Variants in AGAP1 observed in about 807,000 individuals in gnomAD.
AGAP1 encodes arf-GAP with GTPase, ANK repeat and PH domain-containing protein 1.
Under a neutral mutation model 105.3 loss-of-function variants are expected in AGAP1, and 29 were observed. That is an observed-to-expected ratio of 0.28 (90% CI 0.21 to 0.38). The LOEUF is 0.38. Among genes scored for constraint, AGAP1 ranks in the 10% least tolerant of loss-of-function variants. AGAP1 has a pLI of 1.00. For missense variants in AGAP1, 998 were observed against 1,165.1 expected, an observed-to-expected ratio of 0.86 and a Z score of 2.09; for synonymous variants, 509 against 485.9, an observed-to-expected ratio of 1.05 and a Z score of -0.63.
chr2:235,579,491 C>T lies in AGAP1; in HGVS notation c.163+84642C>T, dbSNP rs188418139. Among the ~76,000 whole-genome samples the T allele has an allele frequency of 1.4e-4, 22 of 152,214 alleles. 1 individual carries two copies. In the East Asian group the frequency reaches 4.3e-3, roughly 29 times the overall value. On this transcript the variant is annotated intron_variant, in intron 1 of 17. Coordinates refer to ENST00000304032, the MANE Select transcript of AGAP1 (RefSeq NM_001037131.3). The stretch of plus-strand genomic sequence containing the variant: ...AAAGTTAAGCATTTAAAAGTGAACA[C>T]TTGGCCAGGCGTGGTGGCTCACACC...
intron 1 of AGAP1, among the ~76,000 whole-genome samples, chr2:235,497,389 C>A (rs1023539507): frequency 6.6e-6 from 1 of 152,308 alleles, no homozygotes; most frequent in African/African-American, 2.4e-5. Flanking sequence ...TGTGCGTGCA[C>A]CTTGGAGGTT....
chr2:235,798,187 G>T (rs1384368927), intron 7 of AGAP1, among the ~76,000 whole-genome samples: 1 of 152,092 alleles, frequency 6.6e-6, no homozygotes, highest in Non-Finnish European at 1.5e-5. Context: ...TCTGGTCTTG[G>T]TCCTAGTCTG....
chr2:235,602,026 A>G (rs926686014), intron 1 of AGAP1, among the ~76,000 whole-genome samples: 3 of 152,132 alleles, frequency 2.0e-5, no homozygotes, highest in Non-Finnish European at 2.9e-5. Context: ...CAGCTCTCCA[A>G]AATTCTCAGG....
intron 1 of AGAP1, among the ~76,000 whole-genome samples, chr2:235,544,650 T>C (rs1943564757): frequency 6.6e-6 from 1 of 152,078 alleles, no homozygotes; most frequent in Non-Finnish European, 1.5e-5. Flanking sequence ...CGGGCAGAGG[T>C]GGGGAGGCCT....
chr2:235,552,948 C>G lies in AGAP1; in HGVS notation c.163+58099C>G, dbSNP rs1337385398. ...AACTTCTCACACACATACATCCACACATGTGCATCTGATTGTGTGTGTGAC... is the reference window on the plus strand; with the variant it reads ...AACTTCTCACACACATACATCCACAGATGTGCATCTGATTGTGTGTGTGAC... On this transcript the variant is annotated intron_variant, in intron 1 of 17. Transcript: ENST00000304032. The surrounding 1 kb of genome is among the most constrained non-coding windows in gnomAD (Gnocchi z 5.9). Among the ~76,000 whole-genome samples, 1 of 152,224 alleles carries G rather than the reference C, an allele frequency of 6.6e-6. No individual in the cohort carries two copies. The highest frequency in any genetic ancestry group is 1.9e-4 in the East Asian group (1 of 5,200).
intron 9 of AGAP1, among the ~76,000 whole-genome samples, chr2:235,881,068 A>G (rs2049998097): frequency 1.3e-5 from 2 of 152,206 alleles, no homozygotes; most frequent in Admixed American, 1.3e-4. Flanking sequence ...TTGCAAAGAA[A>G]TCATCTTCTA....
At chr2:235,510,994 G>T (rs1216529560) in intron 1 of AGAP1, among the ~76,000 whole-genome samples, 1 of 139,124 alleles carries the variant, frequency 7.2e-6, no homozygotes, top group Non-Finnish European at 1.6e-5. Context: ...CTGGGTGGGG[G>T]GGCGGGGGGC....
intron 13 of AGAP1, among the ~76,000 whole-genome samples, chr2:236,007,347 A>G (rs2056355896): frequency 6.6e-6 from 1 of 152,212 alleles, no homozygotes; most frequent in Non-Finnish European, 1.5e-5. Flanking sequence ...AGCATGATTG[A>G]CTGGATAACC....
At chr2:235,654,052 T>C (rs541372612) in intron 1 of AGAP1, among the ~76,000 whole-genome samples, 6 of 152,294 alleles carry the variant, frequency 3.9e-5, no homozygotes, top group African/African-American at 1.4e-4. Flanking sequence ...TGAGAGTCCG[T>C]CTCAACAAAA....
chr2:235,582,279 G>A lies in AGAP1; in HGVS notation c.163+87430G>A, dbSNP rs538725650. On this transcript the variant is annotated intron_variant, in intron 1 of 17. Coordinates refer to ENST00000304032, the MANE Select transcript of AGAP1 (RefSeq NM_001037131.3). This position sits in a 1 kb window ranked among gnomAD's most constrained non-coding sequence, Gnocchi z 4.7. ...GGAGTGTGCTGAGTCTTTCTACCCC[G>A]CTGCGTGGTGCTGCCTGCCGAGGTG... Among the ~76,000 whole-genome samples, 47 of 152,264 alleles carry A rather than the reference G, an allele frequency of 3.1e-4. 2 individuals carry two copies. In the South Asian group the frequency reaches 4.4e-3, roughly 14 times the overall value.
In AGAP1 at chr2:235,557,910, C is replaced by T. The variant is rs546632286; in HGVS notation, c.163+63061C>T. Reference sequence around the variant, plus strand: ...TATTGGTGCTTTCTTGAGCCCTGCGCCATGTGAGTGAGGTTTTGTGGTCCT... The same window carrying T: ...TATTGGTGCTTTCTTGAGCCCTGCGTCATGTGAGTGAGGTTTTGTGGTCCT... On this transcript the variant is annotated intron_variant, in intron 1 of 17. Coordinates refer to ENST00000304032, the MANE Select transcript of AGAP1 (RefSeq NM_001037131.3). The surrounding 1 kb of genome is among the most constrained non-coding windows in gnomAD (Gnocchi z 4.7). Among the ~76,000 whole-genome samples, 8 of 152,322 alleles carry T rather than the reference C, an allele frequency of 5.3e-5. No individual in the cohort carries two copies. The highest frequency in any genetic ancestry group is 5.2e-4 in the Admixed American group (8 of 15,294).
In AGAP1 at chr2:236,087,671, C is replaced by T. The variant is rs974271190; in HGVS notation, c.2115-32521C>T. Reference sequence around the variant, plus strand: ...GCTTTTCTCTGTTTCCATGTGGTGCCGTGAATAGTCTCATAAGCCATGTAA... The same window carrying T: ...GCTTTTCTCTGTTTCCATGTGGTGCTGTGAATAGTCTCATAAGCCATGTAA... On this transcript the variant is annotated intron_variant, in intron 16 of 17. Transcript: ENST00000304032. This position sits in a 1 kb window ranked among gnomAD's most constrained non-coding sequence, Gnocchi z 5.7. Among the ~76,000 whole-genome samples the T allele has an allele frequency of 2.0e-5, 3 of 152,112 alleles. No homozygotes were observed. Among genetic ancestry groups the T allele is most frequent in the Admixed American group, 1.3e-4 (2 of 15,266 alleles).
chr2:235,519,285 C>T (rs1942525916), intron 1 of AGAP1, among the ~76,000 whole-genome samples: 1 of 152,026 alleles, frequency 6.6e-6, no homozygotes, highest in African/African-American at 2.4e-5. Context: ...GCTGTGTTGC[C>T]CAGGCTGGTC....
At chr2:236,122,705 C>G (rs2059929238) in intron 17 of AGAP1, among the ~76,000 whole-genome samples, 1 of 88,424 alleles carries the variant, frequency 1.1e-5, no homozygotes, top group Non-Finnish European at 2.4e-5. Flanking sequence ...TTTTTTGAGA[C>G]AGAGTCTCAC....
chr2:236,091,043 C>G (rs1344933976), intron 16 of AGAP1, among the ~76,000 whole-genome samples: 1 of 152,220 alleles, frequency 6.6e-6, no homozygotes, highest in Non-Finnish European at 1.5e-5. Flanking sequence ...CGGCCGTAAT[C>G]GTTCCTGGTA....
At chr2:235,567,952 C>A (rs1944400095) in intron 1 of AGAP1, among the ~76,000 whole-genome samples, 1 of 152,156 alleles carries the variant, frequency 6.6e-6, no homozygotes, top group Non-Finnish European at 1.5e-5. Flanking sequence ...TGAGACATTT[C>A]TGGAAGGTGG....
intron 1 of AGAP1, among the ~76,000 whole-genome samples, chr2:235,628,866 C>T (rs917201453): frequency 6.6e-6 from 1 of 152,026 alleles, no homozygotes; most frequent in African/African-American, 2.4e-5. Flanking sequence ...GGCTGGAGTG[C>T]AGTGCTGTGA....
chr2:235,505,393 TGC>T lies in AGAP1; in HGVS notation c.163+10546_163+10547del, dbSNP rs1485757346. On this transcript the variant is annotated intron_variant, in intron 1 of 17. Transcript: ENST00000304032. ...CCATGGATTGAGTGAGGGCAGTGTGTGCGTGTGTGGATTTCTCTGGTGGCTTT... is the reference window on the plus strand; with the variant it reads ...CCATGGATTGAGTGAGGGCAGTGTGTGTGTGTGGATTTCTCTGGTGGCTTT... Among the ~76,000 whole-genome samples the T allele has an allele frequency of 2.6e-5, 4 of 152,156 alleles. No individual in the cohort carries two copies. In the East Asian group the frequency reaches 7.7e-4, roughly 29 times the overall value.
rs1023480328 is a variant in AGAP1, at chr2:235,712,731, A to C, written c.222+3494A>C. On this transcript the variant is annotated intron_variant, in intron 2 of 17. Coordinates refer to ENST00000304032, the MANE Select transcript of AGAP1 (RefSeq NM_001037131.3). The surrounding 1 kb of genome is among the most constrained non-coding windows in gnomAD (Gnocchi z 6.0). Reference sequence around the variant, plus strand: ...CCCTGCACAGAGGTTGACAGTGGCAACCTCTTCCTGCCTTAAGTACGTAGT... The same window carrying C: ...CCCTGCACAGAGGTTGACAGTGGCACCCTCTTCCTGCCTTAAGTACGTAGT... Among the ~76,000 whole-genome samples the C allele has an allele frequency of 1.3e-5, 2 of 151,924 alleles. No individual in the cohort carries two copies. Among genetic ancestry groups the C allele is most frequent in the Non-Finnish European group, 2.9e-5 (2 of 67,964 alleles).
Sources: gnomAD v4.1 joint callset for allele counts (sites outside exome capture counted in the v4.1 genomes callset) on GRCh38, gnomAD v4.1.1 for gene constraint, Gnocchi (gnomAD v3.1) non-coding constraint, MANE v1.5 for transcripts, NCBI Gene and HGNC (gene_info 2026-07-23, HGNC 2026-07-21) for gene names.